Variants in MPP4 observed in about 807,000 individuals in gnomAD.
The protein encoded by MPP4 is MAGUK p55 subfamily member 4.
In MPP4, 91 loss-of-function variants were observed where a neutral mutation model predicts 98.3. That is an observed-to-expected ratio of 0.93 (90% CI 0.78 to 1.10). MPP4 has a LOEUF of 1.10. MPP4 is among the 50% of genes least tolerant of loss of function. The pLI is 0.00. For missense variants in MPP4, 744 were observed against 792.9 expected, an observed-to-expected ratio of 0.94 and a Z score of 0.74; for synonymous variants, 261 against 271.8, an observed-to-expected ratio of 0.96 and a Z score of 0.39.
Position 201,647,787 on chromosome 2 carries a change from A to T in MPP4, c.1623T>A (p.Tyr541Ter). 3 of 1,613,886 alleles carry T rather than the reference A, an allele frequency of 1.9e-6. No individual in the cohort carries two copies. The highest frequency in any genetic ancestry group is 2.5e-6 in the Non-Finnish European group (3 of 1,179,796). ...TATTCGATGGCTTTATAAATATGAC[A>T]TAGGGCTTCAGTTCATGGGTTCGAA... is the stretch of plus-strand genomic sequence containing the variant. ...QGVRTHELKP[Y>*]VIFIKPSNMR... Residue 541 changes from tyrosine to a stop codon, truncating the protein, a stop_gained, in exon 21 of 22, where the codon TAT (tyrosine) becomes TAA (stop). Coordinates refer to ENST00000409474, the MANE Select transcript of MPP4 (RefSeq NM_033066.3). LOFTEE classifies it high-confidence loss of function.
Position 201,684,278 on chromosome 2 carries a change from C to T in MPP4, c.574+786G>A, listed in dbSNP as rs147162621. Among the ~76,000 whole-genome samples, 94 of 151,200 alleles carry T rather than the reference C, an allele frequency of 6.2e-4. 1 individual carries two copies. The highest frequency in any genetic ancestry group is 2.2e-3 in the African/African-American group (92 of 41,146). Reference sequence around the variant, plus strand: ...AGTGAAAGGATGAAAATCTGGTTAACTGGTTGAAAGTGTGAGCAAAAGGCA... The same window carrying T: ...AGTGAAAGGATGAAAATCTGGTTAATTGGTTGAAAGTGTGAGCAAAAGGCA... On this transcript the variant is annotated intron_variant, in intron 7 of 21. Transcript: ENST00000409474.
At chr2:201,691,447 A>C (rs1351536801) in intron 3 of MPP4, among the ~76,000 whole-genome samples, 2 of 152,182 alleles carry the variant, frequency 1.3e-5, no homozygotes, top group Non-Finnish European at 2.9e-5. Context: ...TTTTTCTACT[A>C]TCTATTAGAC....
intron 15 of MPP4, 110 bp from the exon 16 acceptor site, chr2:201,658,628 A>T: frequency 1.2e-6 from 1 of 857,480 alleles, no homozygotes; most frequent in Non-Finnish European, 1.8e-6. Flanking sequence ...AGTAGACGGC[A>T]GCAGAGTTGA....
chr2:201,656,479 G>T, intron 16 of MPP4, 111 bp from the exon 17 acceptor site: 1 of 1,056,260 alleles, frequency 9.5e-7, no homozygotes, highest in Non-Finnish European at 1.3e-6. Flanking sequence ...CATTAATATA[G>T]TCAGGTCTGT....
intron 3 of MPP4, among the ~76,000 whole-genome samples, chr2:201,692,561 A>AT (rs1491266663): frequency 2.1e-5 from 3 of 144,746 alleles, no homozygotes; most frequent in Non-Finnish European, 4.6e-5. Flanking sequence ...AAAAAAAAAA[A>AT]TAGGTAAGGT....
intron 17 of MPP4, among the ~76,000 whole-genome samples, chr2:201,655,522 A>G (rs1406253181): frequency 1.3e-5 from 2 of 152,162 alleles, no homozygotes; most frequent in Non-Finnish European, 2.9e-5. Context: ...GCATTTTACA[A>G]TGGGGCCTGC....
At chr2:201,671,504 C>A (rs1688342688) in intron 11 of MPP4, among the ~76,000 whole-genome samples, 2 of 151,994 alleles carry the variant, frequency 1.3e-5, no homozygotes, top group Non-Finnish European at 1.5e-5. Flanking sequence ...TTCAGGAGAC[C>A]CATCTCACAT....
At chr2:201,692,879 C>T (rs1435915787) in intron 3 of MPP4, 29 bp downstream of exon 3, 3 of 1,599,778 alleles carry the variant, frequency 1.9e-6, no homozygotes, top group Non-Finnish European at 2.6e-6. Context: ...CTTCAGCAAG[C>T]AAAGGCTTCC....
At position 201,680,870 on chromosome 2, in the gene MPP4, A is replaced by G. The variant is rs917229758; in HGVS notation, c.897T>C (p.Ala299=). 1 of 1,613,412 alleles carries G rather than the reference A, an allele frequency of 6.2e-7. No individual in the cohort carries two copies. Among genetic ancestry groups the G allele is most frequent in the Non-Finnish European group, 8.5e-7 (1 of 1,179,736 alleles). The change falls in exon 10 of 22, where the codon GCT becomes GCC. Residue 299 remains alanine, a synonymous_variant. Transcript: ENST00000409474. ...GAAGGTGGTTAGAAGGGACAAGCCC[A>G]GCGCAGGTAGCAGGGTCTGAGATTT... The part of the protein sequence containing the change: ...ARKISDPATC[A]GLVPSNHLLK...
rs557708739 is a variant in MPP4, at chr2:201,654,552, A to G, written c.1381+285T>C. 7.2e-5 allele frequency among the ~76,000 whole-genome samples: 11 copies of G among 152,300 alleles called. No homozygotes were observed. In the East Asian group the frequency reaches 1.7e-3, roughly 24 times the overall value. ...GAGTTAATCGGTGCAGCACACCAAC[A>G]TGGCATATGTATACATATGTAACAA... On this transcript the variant is annotated intron_variant, in intron 18 of 21. Coordinates refer to ENST00000409474, the MANE Select transcript of MPP4 (RefSeq NM_033066.3).
Position 201,656,339 on chromosome 2 carries a change from G to A in MPP4, c.1159C>T (p.Arg387Cys), listed in dbSNP as rs762869669. 4 of 1,554,672 alleles carry A rather than the reference G, an allele frequency of 2.6e-6. No homozygotes were observed. Among genetic ancestry groups the A allele is most frequent in the African/African-American group, 1.4e-5 (1 of 73,296 alleles). Residue 387 changes from arginine to cysteine, a missense_variant, in exon 17 of 22, where the codon CGC (arginine) becomes TGC (cysteine). Arg to Cys is a radical substitution (Grantham distance 180). Coordinates refer to ENST00000409474, the MANE Select transcript of MPP4 (RefSeq NM_033066.3). ...AGFRRSMRLC[R>C]RKSHLSPLHA... Reference sequence around the variant, plus strand: ...AGCGGGCTGAGGTGAGACTTCCTGCGACAAAGGCGCATGCTGCGGCGGAAG... The same window carrying A: ...AGCGGGCTGAGGTGAGACTTCCTGCAACAAAGGCGCATGCTGCGGCGGAAG...
intron 18 of MPP4, among the ~76,000 whole-genome samples, chr2:201,654,041 A>G (rs1687788259): frequency 6.6e-6 from 1 of 152,076 alleles, no homozygotes; most frequent in Non-Finnish European, 1.5e-5. Flanking sequence ...CAATGGTGCA[A>G]TCTCGGCTCA....
At chr2:201,652,994 C>T (rs1252531969) in intron 18 of MPP4, among the ~76,000 whole-genome samples, 2 of 152,326 alleles carry the variant, frequency 1.3e-5, no homozygotes, top group South Asian at 4.1e-4. Flanking sequence ...CACAAGGCCT[C>T]TCAAGTCCAT....
At position 201,660,384 on chromosome 2, in the gene MPP4, A is replaced by T. The variant is rs1354355404; in HGVS notation, c.1073-38T>A. 4 of 1,611,580 alleles carry T rather than the reference A, an allele frequency of 2.5e-6. No individual in the cohort carries two copies. In the Admixed American group the frequency reaches 5.0e-5, roughly 20 times the overall value. Reference sequence around the variant, plus strand: ...GTAAGTGCAGAAACAGACATGAAAAAGTTAAGCCTTTAAGAAGATCATGTT... The same window carrying T: ...GTAAGTGCAGAAACAGACATGAAAATGTTAAGCCTTTAAGAAGATCATGTT... On this transcript the variant is annotated intron_variant, in intron 14 of 21. Coordinates refer to ENST00000409474, the MANE Select transcript of MPP4 (RefSeq NM_033066.3).
At chr2:201,684,081 A>G (rs771210770) in intron 7 of MPP4, among the ~76,000 whole-genome samples, 1 of 151,762 alleles carries the variant, frequency 6.6e-6, no homozygotes, top group Non-Finnish European at 1.5e-5. Flanking sequence ...TTGGCTGGGC[A>G]TGGTAGTGTG....
At chr2:201,697,957 A>C (rs1486525845) in intron 1 of MPP4, 2 of 985,286 alleles carry the variant, frequency 2.0e-6, no homozygotes, top group African/African-American at 3.5e-5. Context: ...TTCTGTACCA[A>C]ATTTGTCAGT....
intron 4 of MPP4, among the ~76,000 whole-genome samples, chr2:201,689,352 A>G (rs1306839823): frequency 6.6e-6 from 1 of 151,986 alleles, no homozygotes; most frequent in African/African-American, 2.4e-5. Context: ...ACAAAAAAAG[A>G]GCTTTGGTGT....
chr2:201,645,095 T>G lies in MPP4; in HGVS notation c.*115A>C, dbSNP rs1490911358. On this transcript the variant is annotated 3_prime_UTR_variant, in exon 22 of 22. Coordinates refer to ENST00000409474, the MANE Select transcript of MPP4 (RefSeq NM_033066.3). ...CAAATAAGATTAATTAATAAATTGC[T>G]GCACTTTTAAAGTTGTACACATTAA... The G allele has an allele frequency of 5.8e-6, 5 of 866,836 alleles. No homozygotes were observed. The highest frequency in any genetic ancestry group is 6.4e-6 in the Non-Finnish European group (4 of 625,374). 53.7% of individuals were successfully genotyped at this position (866,836 alleles called of 1,614,324 possible).
At chr2:201,650,994 T>G (rs1404845605) in intron 18 of MPP4, 1 of 984,310 alleles carries the variant, frequency 1.0e-6, no homozygotes, top group African/African-American at 1.7e-5. Context: ...ACTGAGTGCC[T>G]ACTATGTTCC....
Sources: gnomAD v4.1 joint callset for allele counts (sites outside exome capture counted in the v4.1 genomes callset) on GRCh38, gnomAD v4.1.1 for gene constraint, MANE v1.5 for transcripts, NCBI Gene and HGNC (gene_info 2026-07-23, HGNC 2026-07-21) for gene names.